The following SLC35F1 variants were observed in gnomAD, a reference collection of about 807,000 sequenced individuals.
The protein encoded by SLC35F1 is solute carrier family 35 member F1.
In SLC35F1, 14 loss-of-function variants were observed where a neutral mutation model predicts 48.7. The observed-to-expected ratio is 0.29, with a 90% CI of 0.19 to 0.45. SLC35F1 has a LOEUF of 0.45. SLC35F1 is among the 20% of genes least tolerant of loss of function. The pLI is 1.00. For missense variants in SLC35F1, 404 were observed against 500.0 expected (o/e 0.81, Z 1.83); for synonymous variants, 190 against 202.2 (o/e 0.94, Z 0.51).
At chr6:118,069,894 T>C (rs1275401869) in intron 1 of SLC35F1, among the ~76,000 whole-genome samples, 2 of 151,472 alleles carry the variant, frequency 1.3e-5, no homozygotes, top group East Asian at 2.0e-4. Context: ...CCCAGCACTT[T>C]GGGAGGCCGA....
At chr6:118,180,731 A>C (rs1774563661) in intron 2 of SLC35F1, among the ~76,000 whole-genome samples, 3 of 152,100 alleles carry the variant, frequency 2.0e-5, no homozygotes, top group African/African-American at 7.2e-5. Context: ...GTGCAATATG[A>C]ACTCAGATTC....
chr6:117,996,138 C>T (rs186821552), intron 1 of SLC35F1, among the ~76,000 whole-genome samples: 11 of 151,792 alleles, frequency 7.2e-5, no homozygotes, highest in Non-Finnish European at 1.6e-4. Context: ...TCTGAAATAC[C>T]CACATTTAAG....
chr6:118,283,404 C>T (rs942613459), intron 6 of SLC35F1, among the ~76,000 whole-genome samples: 3 of 152,130 alleles, frequency 2.0e-5, no homozygotes, highest in Non-Finnish European at 4.4e-5. Flanking sequence ...TTTCATTGTT[C>T]CTAGCCCACA....
At chr6:118,297,473 T>A (rs1295961117) in intron 7 of SLC35F1, among the ~76,000 whole-genome samples, 1 of 151,940 alleles carries the variant, frequency 6.6e-6, no homozygotes, top group Non-Finnish European at 1.5e-5. Context: ...GTGTCTTGAT[T>A]CACTGCGGAA....
intron 7 of SLC35F1, among the ~76,000 whole-genome samples, chr6:118,290,585 A>G (rs1776109219): frequency 6.6e-6 from 1 of 152,026 alleles, no homozygotes; most frequent in South Asian, 2.1e-4. Context: ...TGCCTTAAAG[A>G]GTCTCTAAAA....
intron 1 of SLC35F1, among the ~76,000 whole-genome samples, chr6:118,081,934 G>A (rs571279680): frequency 6.6e-6 from 1 of 152,232 alleles, no homozygotes; most frequent in South Asian, 2.1e-4. Flanking sequence ...AATCACCTGG[G>A]GAGCCATAAA....
chr6:117,932,926 G>A (rs1181616552), intron 1 of SLC35F1, among the ~76,000 whole-genome samples: 3 of 152,128 alleles, frequency 2.0e-5, no homozygotes, highest in Non-Finnish European at 4.4e-5. Flanking sequence ...TAGACTTCTC[G>A]GAAGTTGCTG....
chr6:118,056,708 G>A (rs111852501), intron 1 of SLC35F1, among the ~76,000 whole-genome samples: 2,208 of 152,214 alleles, frequency 0.015, 60 homozygotes, highest in African/African-American at 0.05. Context: ...GTGTGTATTC[G>A]AGTGTGGAAC....
At chr6:118,053,372 G>A (rs1772418100) in intron 1 of SLC35F1, among the ~76,000 whole-genome samples, 1 of 152,052 alleles carries the variant, frequency 6.6e-6, no homozygotes, top group Non-Finnish European at 1.5e-5. Flanking sequence ...AGATGAGTAA[G>A]ACACACACCT....
chr6:118,182,259 G>A (rs1774587648), intron 2 of SLC35F1, among the ~76,000 whole-genome samples: 1 of 151,964 alleles, frequency 6.6e-6, no homozygotes, highest in South Asian at 2.1e-4. Flanking sequence ...GCTGAGGTGG[G>A]TGGATCACTT....
At chr6:118,296,755 G>C (rs1042351849) in intron 7 of SLC35F1, among the ~76,000 whole-genome samples, 8 of 152,162 alleles carry the variant, frequency 5.3e-5, no homozygotes, top group African/African-American at 1.9e-4. Context: ...TGATTGGATT[G>C]GGGCATAACC....
At chr6:117,985,306 A>G (rs1776834768) in intron 1 of SLC35F1, among the ~76,000 whole-genome samples, 1 of 152,220 alleles carries the variant, frequency 6.6e-6, no homozygotes, top group African/African-American at 2.4e-5. Context: ...GTTGCCTGTA[A>G]CTTTTTAAAT....
At chr6:118,014,235 T>G (rs576703137) in intron 1 of SLC35F1, among the ~76,000 whole-genome samples, 2 of 152,202 alleles carry the variant, frequency 1.3e-5, no homozygotes, top group African/African-American at 4.8e-5. Flanking sequence ...ACTTAGTACA[T>G]ATAACCTACT....
intron 2 of SLC35F1, among the ~76,000 whole-genome samples, chr6:118,214,442 C>G (rs1370345729): frequency 6.6e-6 from 1 of 152,070 alleles, no homozygotes; most frequent in Non-Finnish European, 1.5e-5. Context: ...TTATTCCCTT[C>G]TCAAAAAAAT....
At chr6:118,181,207 C>T (rs1774573205) in intron 2 of SLC35F1, among the ~76,000 whole-genome samples, 1 of 151,976 alleles carries the variant, frequency 6.6e-6, no homozygotes, top group Non-Finnish European at 1.5e-5. Flanking sequence ...AATAATATGG[C>T]AAACATGAAG....
At chr6:117,967,478 C>T (rs1196891248) in intron 1 of SLC35F1, among the ~76,000 whole-genome samples, 1 of 152,124 alleles carries the variant, frequency 6.6e-6, no homozygotes, top group Non-Finnish European at 1.5e-5. Context: ...ACGCTTGTGT[C>T]CTCATCCTCT....
chr6:118,274,831 C>T (rs1775901169), intron 4 of SLC35F1, among the ~76,000 whole-genome samples: 1 of 152,230 alleles, frequency 6.6e-6, no homozygotes, highest in East Asian at 1.9e-4. Context: ...CTTTCACTCT[C>T]ATTTTCTAAC....
chr6:118,094,501 A>G (rs1773120553), intron 1 of SLC35F1, among the ~76,000 whole-genome samples: 2 of 152,186 alleles, frequency 1.3e-5, no homozygotes, highest in African/African-American at 4.8e-5. Flanking sequence ...GCAGTACTCA[A>G]GAGGTCATCA....
chr6:118,039,964 C>A (rs981599382), intron 1 of SLC35F1, among the ~76,000 whole-genome samples: 10 of 152,062 alleles, frequency 6.6e-5, no homozygotes, highest in Non-Finnish European at 1.5e-4. Flanking sequence ...TTTCAGTAGA[C>A]AATCAACTTG....
Sources: allele counts gnomAD v4.1 joint callset (sites outside exome capture counted in the v4.1 genomes callset), GRCh38; gene constraint gnomAD v4.1.1; transcripts MANE v1.5; gene names NCBI Gene and HGNC (gene_info 2026-07-23, HGNC 2026-07-21).